ZFAND3: variants seen among roughly 807,000 people sequenced by gnomAD.
The protein encoded by ZFAND3 is AN1-type zinc finger protein 3.
In ZFAND3, 10 loss-of-function variants were observed where a neutral mutation model predicts 29.6. That is an observed-to-expected ratio of 0.34 (90% CI 0.21 to 0.57). ZFAND3 has a LOEUF of 0.57. Ranked by LOEUF, ZFAND3 falls within the 20% of genes least tolerant of loss-of-function variation. The probability of loss-of-function intolerance (pLI) is 0.86; values close to 1 mark genes in which losing one functional copy is unlikely to be tolerated. For missense variants in ZFAND3, 230 were observed against 304.5 expected, an observed-to-expected ratio of 0.76 and a Z score of 1.82; for synonymous variants, 128 against 112.6, an observed-to-expected ratio of 1.14 and a Z score of -0.87.
chr6:37,827,864 G>A (rs768385898), intron 1 of ZFAND3, among the ~76,000 whole-genome samples: 3 of 152,226 alleles, frequency 2.0e-5, no homozygotes, highest in African/African-American at 4.8e-5. Context: ...ACTTGCTACC[G>A]CTCTGGCCTT....
At chr6:38,000,014 T>C (rs1156947565) in intron 2 of ZFAND3, among the ~76,000 whole-genome samples, 4 of 152,144 alleles carry the variant, frequency 2.6e-5, no homozygotes, top group African/African-American at 9.7e-5. Context: ...TAGATTCCAT[T>C]GATTAGAAGG....
intron 2 of ZFAND3, among the ~76,000 whole-genome samples, chr6:38,057,674 A>G (rs1158939754): frequency 6.6e-6 from 1 of 152,194 alleles, no homozygotes; most frequent in African/African-American, 2.4e-5. Context: ...TCGTCACTCT[A>G]AAGCTCTTTG....
chr6:37,895,678 C>T (rs1765190810), intron 1 of ZFAND3, among the ~76,000 whole-genome samples: 1 of 152,012 alleles, frequency 6.6e-6, no homozygotes, highest in Admixed American at 6.6e-5. Context: ...TTTCCTGCTT[C>T]TTTGCATGCT....
At chr6:37,927,708 T>G (rs1042605700) in intron 1 of ZFAND3, among the ~76,000 whole-genome samples, 3 of 152,214 alleles carry the variant, frequency 2.0e-5, no homozygotes, top group Non-Finnish European at 4.4e-5. Context: ...AAGTTGTGCT[T>G]CTTCTAGATG....
intron 1 of ZFAND3, among the ~76,000 whole-genome samples, chr6:37,879,581 G>A (rs1258953404): frequency 2.6e-5 from 4 of 152,080 alleles, no homozygotes; most frequent in African/African-American, 9.7e-5. Context: ...TGTAATTAAA[G>A]GTACTTAAAA....
intron 1 of ZFAND3, among the ~76,000 whole-genome samples, chr6:37,867,526 C>A (rs908885412): frequency 5.9e-5 from 9 of 152,044 alleles, no homozygotes; most frequent in African/African-American, 1.9e-4. Flanking sequence ...TCTGTGGCAC[C>A]CCTATTTAAG....
At chr6:37,984,991 G>A (rs1470592403) in intron 2 of ZFAND3, among the ~76,000 whole-genome samples, 1 of 152,104 alleles carries the variant, frequency 6.6e-6, no homozygotes, top group Non-Finnish European at 1.5e-5. Flanking sequence ...AATTAAAAAG[G>A]GATGTTTTAT....
At chr6:37,845,899 G>GTT (rs1764168898) in intron 1 of ZFAND3, among the ~76,000 whole-genome samples, 1 of 152,166 alleles carries the variant, frequency 6.6e-6, no homozygotes, top group Non-Finnish European at 1.5e-5. Context: ...TAATGGTACA[G>GTT]TTTTTCTTTT....
At chr6:38,045,332 A>G (rs1395227151) in intron 2 of ZFAND3, among the ~76,000 whole-genome samples, 2 of 151,770 alleles carry the variant, frequency 1.3e-5, no homozygotes, top group African/African-American at 4.8e-5. Context: ...CAAGTGATCC[A>G]CCCAGCTCGG....
intron 5 of ZFAND3, among the ~76,000 whole-genome samples, chr6:38,127,566 A>G (rs768015283): frequency 1.1e-4 from 17 of 152,222 alleles, no homozygotes; most frequent in Admixed American, 4.6e-4. Context: ...AGGTGATGAA[A>G]GCAAGCCACA....
chr6:38,003,970 A>AG (rs1468814103), intron 2 of ZFAND3, among the ~76,000 whole-genome samples: 1 of 152,238 alleles, frequency 6.6e-6, no homozygotes, highest in East Asian at 1.9e-4. Flanking sequence ...ATATTGTTTG[A>AG]GGGGCAATTC....
intron 1 of ZFAND3, among the ~76,000 whole-genome samples, chr6:37,904,687 G>GA (rs1765377750): frequency 6.6e-6 from 1 of 152,168 alleles, no homozygotes; most frequent in Non-Finnish European, 1.5e-5. Context: ...GCAAAATAAG[G>GA]AAAATGATGA....
intron 1 of ZFAND3, among the ~76,000 whole-genome samples, chr6:37,912,478 G>T (rs539300667): frequency 6.6e-6 from 1 of 152,246 alleles, no homozygotes; most frequent in East Asian, 1.9e-4. Context: ...ATTTGGTATG[G>T]GAGTAGAGTT....
At position 37,912,817 on chromosome 6, in the gene ZFAND3, T is replaced by C. The variant is rs535158340; in HGVS notation, c.72-17142T>C. ...GTAGTAGATACTTAGTTTAGAAATA[T>C]TAGGAAATTTAGTAATTCTCTTAAT... On this transcript the variant is annotated intron_variant, in intron 1 of 5. Transcript: ENST00000287218. 1.8e-4 allele frequency among the ~76,000 whole-genome samples: 28 copies of C among 152,302 alleles called. No homozygotes were observed. The South Asian group carries it at 5.4e-3, about 29-fold the overall frequency.
chr6:37,974,424 A>C (rs1178482501), intron 2 of ZFAND3, among the ~76,000 whole-genome samples: 1 of 107,890 alleles, frequency 9.3e-6, no homozygotes. Context: ...TTTTTTTTGG[A>C]GACAGGGTCT....
intron 2 of ZFAND3, among the ~76,000 whole-genome samples, chr6:37,975,812 G>A (rs1467628036): frequency 6.6e-6 from 1 of 152,056 alleles, no homozygotes; most frequent in African/African-American, 2.4e-5. Context: ...CTTGAAATCA[G>A]GTAGTGTTAA....
Position 38,116,620 on chromosome 6 carries a change from T to C in ZFAND3, c.410T>C (p.Leu137Pro). ...EASPVKRPRL[L>P]ENTERSEETS... Reference sequence around the variant, plus strand: ...TCACCAGTAAAACGGCCACGACTACTTGAGAATACGGAACGGTCCGAGGAA... The same window carrying C: ...TCACCAGTAAAACGGCCACGACTACCTGAGAATACGGAACGGTCCGAGGAA... The change falls in exon 5 of 6, where the codon CTT becomes CCT. Residue 137 changes from leucine (L) to proline (P), a missense_variant. Around this residue, in one of 2 missense-constraint regions of ZFAND3, gnomAD observed 180 missense variants for 202.5 expected, o/e 0.89. Transcript: ENST00000287218. 6.2e-7 allele frequency: 1 copy of C among 1,613,888 alleles called. No homozygotes were observed.
intron 2 of ZFAND3, among the ~76,000 whole-genome samples, chr6:37,953,009 G>T (rs139808456): frequency 9.1e-4 from 138 of 151,280 alleles, no homozygotes; most frequent in African/African-American, 3.2e-3. Flanking sequence ...TTTAACCTGT[G>T]GTGTTTTTAT....
intron 5 of ZFAND3, among the ~76,000 whole-genome samples, chr6:38,144,200 TATATATATATA>T (rs1562015901): frequency 7.1e-4 from 29 of 41,098 alleles, no homozygotes; most frequent in African/African-American, 1.5e-3. Context: ...TATATATATA[TATATATATATA>T]ATATATAATA....
Sources: gnomAD v4.1 joint callset for allele counts (sites outside exome capture counted in the v4.1 genomes callset) on GRCh38, gnomAD v4.1.1 for gene constraint, gnomAD v4.1.1 regional missense constraint, MANE v1.5 for transcripts, NCBI Gene and HGNC (gene_info 2026-07-23, HGNC 2026-07-21) for gene names.